Variants in BRAF observed in about 807,000 individuals in gnomAD.
BRAF encodes the protein B-Raf proto-oncogene, serine/threonine kinase.
BRAF carries 16 observed loss-of-function variants against 104.6 expected under a neutral mutation model. The observed-to-expected ratio is 0.15, with a 90% CI of 0.10 to 0.23. BRAF has a LOEUF of 0.23. Among genes scored for constraint, BRAF ranks in the 10% least tolerant of loss-of-function variants. The pLI is 1.00. For missense variants in BRAF, 541 were observed against 937.3 expected (o/e 0.58, Z 5.52); for synonymous variants, 310 against 341.6 (o/e 0.91, Z 1.02).
chr7:140,715,524 T>A, downstream of BRAF, among the ~76,000 whole-genome samples: 1 of 152,184 alleles, frequency 6.6e-6, no homozygotes, highest in Admixed American at 6.5e-5. Context: ...CTCAGGATAA[T>A]CTCATTAGCC....
chr7:140,876,929 C>A (rs2129099296), intron 1 of BRAF, among the ~76,000 whole-genome samples: 1 of 152,114 alleles, frequency 6.6e-6, no homozygotes, highest in South Asian at 2.1e-4. Context: ...AAAAAAACCA[C>A]AAACGTTTGT....
intron 14 of BRAF, among the ~76,000 whole-genome samples, chr7:140,762,853 T>A (rs1798891664): frequency 6.6e-6 from 1 of 152,182 alleles, no homozygotes; most frequent in Non-Finnish European, 1.5e-5. Context: ...ACAAAGCACA[T>A]CTTGCACCGC....
chr7:140,782,352 A>C (rs1586143720), intron 11 of BRAF, among the ~76,000 whole-genome samples: 1 of 152,154 alleles, frequency 6.6e-6, no homozygotes, highest in Non-Finnish European at 1.5e-5. Context: ...TTTTGGCTCT[A>C]AATCACAAAA....
intron 12 of BRAF, among the ~76,000 whole-genome samples, chr7:140,778,588 A>T (rs918001210): frequency 2.0e-5 from 3 of 151,916 alleles, no homozygotes; most frequent in Non-Finnish European, 2.9e-5. Flanking sequence ...ACTAAAATTT[A>T]AAAAAAACTT....
At chr7:140,883,583 C>T (rs545473839) in intron 1 of BRAF, among the ~76,000 whole-genome samples, 1 of 152,312 alleles carries the variant, frequency 6.6e-6, no homozygotes, top group South Asian at 2.1e-4. Context: ...TAAGCCCACA[C>T]TTTCTGTTCC....
Position 140,725,881 on chromosome 7 carries a change from C to A in BRAF, c.*613G>T. ...CATGCCCTTTTCCTCCATACCAAGA[C>A]ACATCTACTCACCACTCAGCCTCCA... On this transcript the variant is annotated 3_prime_UTR_variant, in exon 20 of 20. Transcript: ENST00000644969. 9.4e-7 allele frequency: 1 copy of A among 1,062,558 alleles called. No homozygotes were observed. The allele number at this position is 1,062,558 out of a possible 1,614,324, so 65.8% of individuals were successfully genotyped here. A position where few individuals can be genotyped will look rare whatever the true frequency, so the allele number is the denominator to read the frequency against.
Position 140,783,130 on chromosome 7 carries a change from G to T in BRAF, c.1325C>A (p.Pro442His), listed in dbSNP as rs199927105. 49 of 1,614,042 alleles carry T rather than the reference G, an allele frequency of 3.0e-5. No homozygotes were observed. Among genetic ancestry groups the T allele is most frequent in the Middle Eastern group, 3.3e-4 (2 of 6,060 alleles). The change falls in exon 11 of 20, where the codon CCC (proline) becomes CAC (histidine). Residue 442 changes from proline to histidine, a missense_variant. Physicochemically the swap from Pro to His is moderately conservative, Grantham distance 77. Coordinates refer to ENST00000644969, the MANE Select transcript of BRAF (RefSeq NM_001374258.1). ...TAGTGAGCCAGGTAATGAGGCAGGGGGGGTAGCAGACAAACCTGTGGTTGA... is the reference window on the plus strand; with the variant it reads ...TAGTGAGCCAGGTAATGAGGCAGGGTGGGTAGCAGACAAACCTGTGGTTGA... ...RGSTTGLSAT[P>H]PASLPGSLTN...
At chr7:140,754,149 T>A (rs763643518) in intron 15 of BRAF, 38 bp downstream of exon 14, 1 of 1,591,214 alleles carries the variant, frequency 6.3e-7, no homozygotes, top group Non-Finnish European at 8.6e-7. Context: ...AAAGTCAGGA[T>A]GTTTTCAAAC....
intron 17 of BRAF, among the ~76,000 whole-genome samples, chr7:140,743,367 T>C (rs528702359): frequency 5.5e-4 from 84 of 152,120 alleles, no homozygotes; most frequent in Middle Eastern, 3.4e-3. Context: ...ATGTGGCACA[T>C]ATACACCATG....
rs778751726 is a variant in BRAF at position 140,770,706 on chromosome 7, C to G, written c.1814+6206G>C. On this transcript the variant is annotated intron_variant, in intron 14 of 19. Coordinates refer to ENST00000644969, the MANE Select transcript of BRAF (RefSeq NM_001374258.1). Reference sequence around the variant, plus strand: ...ATCCCAGCACTTTGGGAGGCCGAGGCGGGCAGATCACTTGAGGTCAGGAGT... The same window carrying G: ...ATCCCAGCACTTTGGGAGGCCGAGGGGGGCAGATCACTTGAGGTCAGGAGT... Among the ~76,000 whole-genome samples the G allele has an allele frequency of 5.3e-5, 8 of 151,996 alleles. No homozygotes were observed. The East Asian group carries it at 1.4e-3, about 26-fold the overall frequency.
intron 1 of BRAF, among the ~76,000 whole-genome samples, chr7:140,907,799 C>T (rs939091481): frequency 1.3e-5 from 2 of 151,494 alleles, no homozygotes; most frequent in Non-Finnish European, 2.9e-5. Context: ...GGCTGGAGTG[C>T]AGTGGTGCCA....
chr7:140,770,377 A>T (rs1013869556), intron 14 of BRAF, among the ~76,000 whole-genome samples: 2 of 152,162 alleles, frequency 1.3e-5, no homozygotes, highest in Non-Finnish European at 2.9e-5. Context: ...TCTCCAAATT[A>T]TTTTTAATCA....
chr7:140,845,649 C>T lies in BRAF; in HGVS notation c.240+4462G>A, dbSNP rs527484308. Among the ~76,000 whole-genome samples, 30 of 152,150 alleles carry T rather than the reference C, an allele frequency of 2.0e-4. No homozygotes were observed. The South Asian group carries it at 2.1e-3, about 11-fold the overall frequency. The stretch of plus-strand genomic sequence containing the variant: ...AGCACCATAATAAGGTATCACTTCA[C>T]GCACATGAGGCTATGTTTTTTTTGT... On this transcript the variant is annotated intron_variant, in intron 2 of 19. Transcript: ENST00000644969.
At chr7:140,853,812 T>C (rs1305537875) in intron 1 of BRAF, among the ~76,000 whole-genome samples, 1 of 152,166 alleles carries the variant, frequency 6.6e-6, no homozygotes, top group African/African-American at 2.4e-5. Context: ...TTACTATATA[T>C]ATTTTACGTG....
intron 1 of BRAF, among the ~76,000 whole-genome samples, chr7:140,886,358 A>G (rs530641027): frequency 4.7e-4 from 72 of 152,288 alleles, no homozygotes; most frequent in African/African-American, 1.7e-3. Flanking sequence ...TGCAAAACAC[A>G]TAACTGATTC....
chr7:140,894,402 A>C (rs914119724), intron 1 of BRAF, among the ~76,000 whole-genome samples: 6 of 152,218 alleles, frequency 3.9e-5, no homozygotes, highest in African/African-American at 1.4e-4. Flanking sequence ...TCAAACATGT[A>C]ACTCTGAGAC....
At chr7:140,821,674 A>G (rs532610547) in intron 3 of BRAF, among the ~76,000 whole-genome samples, 1 of 152,220 alleles carries the variant, frequency 6.6e-6, no homozygotes, top group African/African-American at 2.4e-5. Context: ...AGCAGTTTGG[A>G]AATTTCTCAA....
intron 2 of BRAF, among the ~76,000 whole-genome samples, chr7:140,837,442 T>G (rs1807464194): frequency 6.6e-6 from 1 of 152,224 alleles, no homozygotes; most frequent in African/African-American, 2.4e-5. Context: ...ATTGTTGTCT[T>G]CCTTCACATA....
chr7:140,725,303 A>G lies in BRAF; in HGVS notation c.*1191T>C, dbSNP rs1795538997. 9.7e-7 allele frequency: 1 copy of G among 1,032,174 alleles called. No individual in the cohort carries two copies. Among genetic ancestry groups the G allele is most frequent in the East Asian group, 5.7e-5 (1 of 17,418 alleles). 63.9% of individuals were successfully genotyped at this position (1,032,174 alleles called of 1,614,324 possible). A position where few individuals can be genotyped will look rare whatever the true frequency, so the allele number is the denominator to read the frequency against. ...AGTACCATTAATTGAAAAATTATAA[A>G]TATTTGTCATTATGCTAAGACTCCT... On this transcript the variant is annotated 3_prime_UTR_variant, in exon 20 of 20. Transcript: ENST00000644969.
Sources: allele counts gnomAD v4.1 joint callset (sites outside exome capture counted in the v4.1 genomes callset), GRCh38; gene constraint gnomAD v4.1.1; transcripts MANE v1.5; gene names NCBI Gene and HGNC (gene_info 2026-07-23, HGNC 2026-07-21).